The following CAMKMT variants were observed in gnomAD, a reference collection of about 807,000 sequenced individuals.
CAMKMT encodes the protein CaM KMT.
Under a neutral mutation model 48.0 loss-of-function variants are expected in CAMKMT, and 53 were observed. The ratio of observed to expected loss-of-function variants is 1.10; its 90% CI spans 0.89 to 1.39. The LOEUF is 1.39. CAMKMT is among the 40% of genes most tolerant of loss of function. The pLI, the probability that CAMKMT is intolerant of heterozygous loss-of-function variation, is 0.00. For synonymous variants in CAMKMT, 165 were observed against 152.3 expected (o/e 1.08, Z -0.61); for missense variants, 428 against 402.7 (o/e 1.06, Z -0.54).
chr2:44,552,802 T>C (rs1487989843), intron 3 of CAMKMT, among the ~76,000 whole-genome samples: 1 of 152,216 alleles, frequency 6.6e-6, no homozygotes, highest in Admixed American at 6.5e-5. Context: ...AGCTAGCCTC[T>C]TACCATTGGG....
At chr2:44,696,012 G>A (rs536646095) in intron 3 of CAMKMT, among the ~76,000 whole-genome samples, 13 of 151,958 alleles carry the variant, frequency 8.6e-5, no homozygotes, top group African/African-American at 2.4e-4. Flanking sequence ...GCGTGATCTC[G>A]GCTCACTGCA....
intron 7 of CAMKMT, among the ~76,000 whole-genome samples, chr2:44,730,267 A>G (rs1679010593): frequency 6.6e-6 from 1 of 152,186 alleles, no homozygotes; most frequent in Non-Finnish European, 1.5e-5. Context: ...TTCCCCATCC[A>G]GATCCTGTGT....
At chr2:44,760,908 T>G (rs1268574776) in intron 9 of CAMKMT, among the ~76,000 whole-genome samples, 3 of 152,210 alleles carry the variant, frequency 2.0e-5, no homozygotes, top group Non-Finnish European at 4.4e-5. Context: ...GGATATTCAC[T>G]GAGCGTTCCA....
intron 3 of CAMKMT, among the ~76,000 whole-genome samples, chr2:44,649,958 C>T (rs1558770397): frequency 6.6e-6 from 1 of 152,188 alleles, no homozygotes; most frequent in Non-Finnish European, 1.5e-5. Flanking sequence ...GAAAATTAAT[C>T]TAGCAAACTA....
intron 3 of CAMKMT, chr2:44,456,772 G>T: frequency 1.6e-6 from 1 of 616,114 alleles, no homozygotes; most frequent in Non-Finnish European, 2.6e-6. Flanking sequence ...CTTCTTTTCT[G>T]GGAGATCATT....
intron 3 of CAMKMT, among the ~76,000 whole-genome samples, chr2:44,433,006 A>G (rs756224555): frequency 2.6e-5 from 4 of 152,216 alleles, no homozygotes; most frequent in African/African-American, 7.2e-5. Context: ...CATAGTAATC[A>G]TTAAACTCAG....
chr2:44,389,353 A>G (rs971305279), intron 2 of CAMKMT, among the ~76,000 whole-genome samples: 8 of 152,336 alleles, frequency 5.3e-5, no homozygotes, highest in African/African-American at 1.7e-4. Flanking sequence ...GGGCTTCAGC[A>G]TAAGAATTTG....
chr2:44,401,918 A>G (rs1682406596), intron 3 of CAMKMT, among the ~76,000 whole-genome samples: 1 of 152,110 alleles, frequency 6.6e-6, no homozygotes, highest in Admixed American at 6.5e-5. Context: ...TCTAAATTCC[A>G]TGGCTTCCTT....
intron 3 of CAMKMT, among the ~76,000 whole-genome samples, chr2:44,667,162 C>G (rs542488081): frequency 2.0e-5 from 3 of 152,292 alleles, no homozygotes; most frequent in African/African-American, 7.2e-5. Flanking sequence ...TTCAGACCAC[C>G]CATCGCTGGG....
chr2:44,599,701 C>T (rs1670871195), intron 3 of CAMKMT, among the ~76,000 whole-genome samples: 1 of 151,828 alleles, frequency 6.6e-6, no homozygotes, highest in African/African-American at 2.4e-5. Flanking sequence ...TTAGATTCCA[C>T]AAACATTTTT....
At chr2:44,464,715 G>C (rs767312265) in intron 3 of CAMKMT, among the ~76,000 whole-genome samples, 3 of 152,156 alleles carry the variant, frequency 2.0e-5, no homozygotes, top group Non-Finnish European at 2.9e-5. Flanking sequence ...CAATAATACT[G>C]TATCTGGCAA....
At chr2:44,509,845 G>T (rs573657991) in intron 3 of CAMKMT, among the ~76,000 whole-genome samples, 8 of 152,284 alleles carry the variant, frequency 5.3e-5, no homozygotes, top group Admixed American at 3.9e-4. Context: ...TCTGTGCTAT[G>T]TTACAACGTG....
At chr2:44,510,179 C>A (rs557117589) in intron 3 of CAMKMT, among the ~76,000 whole-genome samples, 1 of 152,282 alleles carries the variant, frequency 6.6e-6, no homozygotes, top group South Asian at 2.1e-4. Context: ...GGTCCATGAT[C>A]CAATCCAAGA....
intron 3 of CAMKMT, among the ~76,000 whole-genome samples, chr2:44,628,717 A>G (rs1036456260): frequency 2.6e-5 from 4 of 152,064 alleles, no homozygotes; most frequent in African/African-American, 4.8e-5. Flanking sequence ...TTGATATGCT[A>G]TATTTTAATT....
intron 2 of CAMKMT, among the ~76,000 whole-genome samples, chr2:44,384,500 CTTTTTTTT>C (rs141017634): frequency 1.0e-5 from 1 of 95,858 alleles, no homozygotes; most frequent in Non-Finnish European, 2.3e-5. Flanking sequence ...AGCTATTTAT[CTTTTTTTT>C]TTTTTTTTTT....
intron 3 of CAMKMT, among the ~76,000 whole-genome samples, chr2:44,659,574 A>G (rs1201981936): frequency 6.6e-6 from 1 of 151,898 alleles, no homozygotes; most frequent in Non-Finnish European, 1.5e-5. Context: ...TACAAAAAAA[A>G]AAAAAAGAAA....
intron 7 of CAMKMT, among the ~76,000 whole-genome samples, chr2:44,726,350 T>C (rs1226484061): frequency 1.3e-5 from 2 of 152,222 alleles, no homozygotes; most frequent in Non-Finnish European, 2.9e-5. Flanking sequence ...TATCTCACTG[T>C]GGTATTGATT....
chr2:44,512,005 G>A (rs186439318), intron 3 of CAMKMT, among the ~76,000 whole-genome samples: 10 of 152,244 alleles, frequency 6.6e-5, no homozygotes, highest in Non-Finnish European at 1.0e-4. Flanking sequence ...GAATGAAAAC[G>A]TTCTGAGAAC....
chr2:44,667,443 A>G (rs1353310558), intron 3 of CAMKMT, among the ~76,000 whole-genome samples: 1 of 152,148 alleles, frequency 6.6e-6, no homozygotes, highest in Non-Finnish European at 1.5e-5. Flanking sequence ...TCCTGTCTCA[A>G]GAACTGTAGA....
Sources: gnomAD v4.1 joint callset for allele counts (sites outside exome capture counted in the v4.1 genomes callset) on GRCh38, gnomAD v4.1.1 for gene constraint, MANE v1.5 for transcripts, NCBI Gene and HGNC (gene_info 2026-07-23, HGNC 2026-07-21) for gene names.